The following AFG2A variants were observed in gnomAD, a reference collection of about 807,000 sequenced individuals.
The protein encoded by AFG2A is ATPase family gene 2 protein homolog A.
At chr4:123,245,621 T>C in the AFG2A span, among the ~76,000 whole-genome samples, 1 of 152,190 alleles carries the variant, frequency 6.6e-6, no homozygotes, top group Admixed American at 6.5e-5. Context: ...GTTCTCTTCA[T>C]TTTGTGCTCA....
the AFG2A span, among the ~76,000 whole-genome samples, chr4:123,118,353 T>TA: frequency 1.8e-4 from 23 of 129,828 alleles, no homozygotes; most frequent in Middle Eastern, 3.9e-3. Context: ...ATTATATATA[T>TA]TATATATATA....
the AFG2A span, among the ~76,000 whole-genome samples, chr4:123,195,223 G>A: frequency 7.6e-4 from 115 of 152,238 alleles, 1 homozygote; most frequent in East Asian, 0.017. Context: ...CCCTTTTCTC[G>A]AAGTTATTTG....
At chr4:122,963,823 A>T in the AFG2A span, among the ~76,000 whole-genome samples, 28 of 152,272 alleles carry the variant, frequency 1.8e-4, no homozygotes, top group Admixed American at 1.4e-3. Context: ...ATTATTATTA[A>T]TATTTAGAGT....
chr4:122,925,091 C>A, the AFG2A span, among the ~76,000 whole-genome samples: 3,260 of 152,236 alleles, frequency 0.021, 59 homozygotes, highest in Non-Finnish European at 0.035. Flanking sequence ...CAACTCTGTT[C>A]AGTTTTTCCC....
chr4:122,965,972 A>G, the AFG2A span, among the ~76,000 whole-genome samples: 1 of 152,194 alleles, frequency 6.6e-6, no homozygotes, highest in Admixed American at 6.5e-5. Flanking sequence ...CTGATGGCCA[A>G]AAGGGCTAAG....
chr4:123,022,365 G>T, the AFG2A span, among the ~76,000 whole-genome samples: 23 of 152,166 alleles, frequency 1.5e-4, no homozygotes, highest in African/African-American at 5.5e-4. Context: ...CCATCAAAAA[G>T]TGGGCAAAGG....
chr4:123,009,455 G>T, the AFG2A span, among the ~76,000 whole-genome samples: 1 of 152,136 alleles, frequency 6.6e-6, no homozygotes, highest in East Asian at 1.9e-4. Flanking sequence ...GGGATATTGT[G>T]CCTGATACTT....
chr4:123,040,337 A>G, the AFG2A span, among the ~76,000 whole-genome samples: 1 of 152,320 alleles, frequency 6.6e-6, no homozygotes, highest in Admixed American at 6.5e-5. Context: ...CTTTCAAATT[A>G]TATGAGATTA....
At chr4:122,957,540 G>A in the AFG2A span, among the ~76,000 whole-genome samples, 3,296 of 152,260 alleles carry the variant, frequency 0.022, 61 homozygotes, top group Non-Finnish European at 0.036. Flanking sequence ...TATGATGTGT[G>A]CATTGAGCAT....
the AFG2A span, chr4:122,933,554 ATAAAG>A: frequency 7.0e-7 from 1 of 1,436,266 alleles, no homozygotes; most frequent in Non-Finnish European, 9.7e-7. Flanking sequence ...GCATCAGCAA[ATAAAG>A]TGTCTTTGAG....
At chr4:123,123,391 A>G in the AFG2A span, among the ~76,000 whole-genome samples, 1 of 152,190 alleles carries the variant, frequency 6.6e-6, no homozygotes, top group Non-Finnish European at 1.5e-5. Context: ...TAGCACTTTA[A>G]TCTTTTAACT....
At chr4:123,160,593 A>G in the AFG2A span, among the ~76,000 whole-genome samples, 6 of 152,112 alleles carry the variant, frequency 3.9e-5, no homozygotes, top group African/African-American at 1.4e-4. Flanking sequence ...GAACAAGAAA[A>G]TGCCTTCCTA....
the AFG2A span, among the ~76,000 whole-genome samples, chr4:123,241,717 G>A: frequency 2.6e-5 from 4 of 152,214 alleles, no homozygotes; most frequent in Middle Eastern, 3.4e-3. Context: ...TTTGAAAACC[G>A]GCAGAAGACA....
At chr4:123,066,997 G>C in the AFG2A span, among the ~76,000 whole-genome samples, 2 of 152,298 alleles carry the variant, frequency 1.3e-5, no homozygotes, top group Admixed American at 1.3e-4. Context: ...TCCTTAGAGA[G>C]ATGGCCTGTT....
At chr4:123,095,421 C>G in the AFG2A span, among the ~76,000 whole-genome samples, 1 of 151,888 alleles carries the variant, frequency 6.6e-6, no homozygotes, top group African/African-American at 2.4e-5. Flanking sequence ...AGTCTGTTTC[C>G]TTTCCAGATA....
At chr4:123,300,708 C>T in the AFG2A span, among the ~76,000 whole-genome samples, 8 of 151,408 alleles carry the variant, frequency 5.3e-5, no homozygotes, top group African/African-American at 1.5e-4. Flanking sequence ...CATTCCTTAA[C>T]TAGTGTGCTT....
At chr4:123,240,146 C>T in the AFG2A span, among the ~76,000 whole-genome samples, 1 of 151,906 alleles carries the variant, frequency 6.6e-6, no homozygotes, top group Non-Finnish European at 1.5e-5. Flanking sequence ...AATATATATG[C>T]ACCCAATACA....
the AFG2A span, among the ~76,000 whole-genome samples, chr4:123,154,025 GAC>G: frequency 1.3e-5 from 2 of 152,084 alleles, no homozygotes; most frequent in Non-Finnish European, 2.9e-5. Context: ...ACTTTTGAAA[GAC>G]AAAATTATCG....
the AFG2A span, among the ~76,000 whole-genome samples, chr4:122,972,752 T>C: frequency 2.0e-5 from 3 of 152,060 alleles, no homozygotes; most frequent in African/African-American, 7.2e-5. Context: ...TGTTACTGAT[T>C]TTGTTATTCA....
Sources: allele counts gnomAD v4.1 joint callset (sites outside exome capture counted in the v4.1 genomes callset), GRCh38; gene constraint gnomAD v4.1.1; transcripts MANE v1.5; gene names NCBI Gene and HGNC (gene_info 2026-07-23, HGNC 2026-07-21).